The following PIEZO2 variants were observed in gnomAD, a reference collection of about 807,000 sequenced individuals.
PIEZO2 encodes the protein piezo type mechanosensitive ion channel component 2.
PIEZO2 carries 172 observed loss-of-function variants against 337.3 expected under a neutral mutation model. The ratio of observed to expected loss-of-function variants is 0.51; its 90% CI spans 0.45 to 0.58. The LOEUF (loss-of-function observed/expected upper bound fraction) is 0.58, where lower values mean the gene tolerates loss of function less well. Among genes scored for constraint, PIEZO2 ranks in the 20% least tolerant of loss-of-function variants. The probability of loss-of-function intolerance (pLI) is 0.00; values close to 1 mark genes in which losing one functional copy is unlikely to be tolerated. For synonymous variants in PIEZO2, 1,251 were observed against 1,228.5 expected (o/e 1.02, Z -0.38); for missense variants, 3,028 against 3,391.3 (o/e 0.89, Z 2.66).
At position 10,707,498 on chromosome 18, in the gene PIEZO2, C is replaced by T. The variant is rs367792973; in HGVS notation, c.5588+777G>A. Reference sequence around the variant, plus strand: ...GACTTGCCACCATGAGCAGTCAAAACGAAACTTGTCTTGGATTAGGCTGTT... The same window carrying T: ...GACTTGCCACCATGAGCAGTCAAAATGAAACTTGTCTTGGATTAGGCTGTT... On this transcript the variant is annotated intron_variant, in intron 40 of 55. Transcript: ENST00000674853. This position sits in a 1 kb window ranked among gnomAD's most constrained non-coding sequence, Gnocchi z 4.2. 2.0e-5 allele frequency among the ~76,000 whole-genome samples: 3 copies of T among 152,112 alleles called. No individual in the cohort carries two copies. The highest frequency in any genetic ancestry group is 4.4e-5 in the Non-Finnish European group (3 of 68,028).
rs367879225 is a variant in PIEZO2 at position 11,014,381 on chromosome 18, C to T, written c.161-34721G>A. 5.4e-4 allele frequency among the ~76,000 whole-genome samples: 81 copies of T among 149,502 alleles called. 1 individual carries two copies. The highest frequency in any genetic ancestry group is 1.9e-3 in the African/African-American group (78 of 40,418). ...CCCTGGACAGGACAGCAATCCAGGG[C>T]CCCTCATTCCTCAGTGTGGAGCACG... On this transcript the variant is annotated intron_variant, in intron 2 of 55. Transcript: ENST00000674853.
intron 1 of PIEZO2, among the ~76,000 whole-genome samples, chr18:11,134,311 G>A (rs1215396194): frequency 6.6e-6 from 1 of 152,082 alleles, no homozygotes; most frequent in African/African-American, 2.4e-5. Context: ...TACAGCTGCT[G>A]GAATATCTAG....
chr18:11,043,666 T>G (rs2037198864), intron 2 of PIEZO2, among the ~76,000 whole-genome samples: 3 of 151,878 alleles, frequency 2.0e-5, no homozygotes, highest in Non-Finnish European at 4.4e-5. Context: ...CCTAAACACA[T>G]ATACTTCCCA....
Position 10,726,545 on chromosome 18 carries a change from C to T in PIEZO2, c.5029+4862G>A. 6 of 1,423,418 alleles carry T rather than the reference C, an allele frequency of 4.2e-6. No individual in the cohort carries two copies. The highest frequency in any genetic ancestry group is 5.6e-6 in the Non-Finnish European group (6 of 1,074,888). 88.2% of individuals were successfully genotyped at this position (1,423,418 alleles called of 1,614,324 possible). A position where few individuals can be genotyped will look rare whatever the true frequency, so the allele number is the denominator to read the frequency against. Reference sequence around the variant, plus strand: ...CGCTGCGCTGCTCTGCTCTGCTACACCAGCCGCCACGCTGTGCGTCTGTCC... The same window carrying T: ...CGCTGCGCTGCTCTGCTCTGCTACATCAGCCGCCACGCTGTGCGTCTGTCC... On this transcript the variant is annotated intron_variant, in intron 36 of 55. Coordinates refer to ENST00000674853, the MANE Select transcript of PIEZO2 (RefSeq NM_001378183.1). The surrounding 1 kb of genome is among the most constrained non-coding windows in gnomAD (Gnocchi z 5.9).
chr18:10,682,158 C>G lies in PIEZO2; in HGVS notation c.7632G>C (p.Gly2544=). The G allele has an allele frequency of 6.5e-7, 1 of 1,537,086 alleles. No individual in the cohort carries two copies. Among genetic ancestry groups the G allele is most frequent in the Non-Finnish European group, 8.7e-7 (1 of 1,146,886 alleles). ...LFMSLIKSVA[G]VINQPLDVSV... is the part of the protein sequence containing the mutation. ...AGACGTCCAGGGGCTGGTTGATGAC[C>G]CCAGCCACAGATTTGATCAAAGACA... is the stretch of plus-strand genomic sequence containing the variant. The change falls in exon 50 of 56, where the codon GGG becomes GGC. Residue 2544 remains glycine, a synonymous_variant. Transcript: ENST00000674853. This position sits in a 1 kb window ranked among gnomAD's most constrained non-coding sequence, Gnocchi z 5.6.
At chr18:10,725,457 AT>A in intron 36 of PIEZO2, 2 of 1,577,624 alleles carry the variant, frequency 1.3e-6, no homozygotes, top group Non-Finnish European at 1.7e-6. Flanking sequence ...GTGGCATGAA[AT>A]AGGTCAGGGT....
At chr18:11,107,684 A>T (rs986164335) in intron 1 of PIEZO2, among the ~76,000 whole-genome samples, 2 of 152,220 alleles carry the variant, frequency 1.3e-5, no homozygotes, top group Non-Finnish European at 2.9e-5. Flanking sequence ...ATTATTAATA[A>T]ATTTCAAGGA....
rs1231433654 is a variant in PIEZO2 at position 10,716,795 on chromosome 18, A to G, written c.5090-979T>C. Among the ~76,000 whole-genome samples, 1 of 152,214 alleles carries G rather than the reference A, an allele frequency of 6.6e-6. No individual in the cohort carries two copies. The highest frequency in any genetic ancestry group is 1.5e-5 in the Non-Finnish European group (1 of 68,028). Reference sequence around the variant, plus strand: ...GAAAGGCTTGGAGTTACACCCATCAATGAACTTTAGGAGCTCCTTATATTT... The same window carrying G: ...GAAAGGCTTGGAGTTACACCCATCAGTGAACTTTAGGAGCTCCTTATATTT... On this transcript the variant is annotated intron_variant, in intron 37 of 55. Coordinates refer to ENST00000674853, the MANE Select transcript of PIEZO2 (RefSeq NM_001378183.1). The surrounding 1 kb of genome is among the most constrained non-coding windows in gnomAD (Gnocchi z 4.1).
chr18:10,763,704 A>G (rs2038233724), intron 21 of PIEZO2, among the ~76,000 whole-genome samples: 1 of 152,160 alleles, frequency 6.6e-6, no homozygotes, highest in Non-Finnish European at 1.5e-5. Context: ...GAAGGGCATT[A>G]CACTGGGAAT....
At chr18:10,798,794 T>C (rs187066071) in intron 11 of PIEZO2, among the ~76,000 whole-genome samples, 193 of 152,318 alleles carry the variant, frequency 1.3e-3, no homozygotes, top group African/African-American at 4.4e-3. Context: ...TTGGGCCCTG[T>C]GTGTTTGCTT....
chr18:10,939,999 T>C (rs2145242481), intron 3 of PIEZO2, among the ~76,000 whole-genome samples: 1 of 152,328 alleles, frequency 6.6e-6, no homozygotes, highest in East Asian at 1.9e-4. Context: ...TTCATTATTA[T>C]GTATACTCTA....
rs1461783877 is a variant in PIEZO2 at position 10,794,740 on chromosome 18, T to C, written c.1758+32A>G. 5 of 1,409,856 alleles carry C rather than the reference T, an allele frequency of 3.5e-6. No individual in the cohort carries two copies. Among genetic ancestry groups the C allele is most frequent in the East Asian group, 5.0e-5 (2 of 40,094 alleles). 87.3% of individuals were successfully genotyped at this position (1,409,856 alleles called of 1,614,324 possible). On this transcript the variant is annotated intron_variant, in intron 13 of 55. Coordinates refer to ENST00000674853, the MANE Select transcript of PIEZO2 (RefSeq NM_001378183.1). The surrounding 1 kb of genome is among the most constrained non-coding windows in gnomAD (Gnocchi z 6.6). ...TGATGATGATTGTGGTTTTGTGTCA[T>C]TGTTTTGTTTTATTGTATTCTATTC...
At position 10,746,463 on chromosome 18, in the gene PIEZO2, C is replaced by T. The variant is rs1240554725; in HGVS notation, c.4424+2008G>A. ...TAACTCCTCTTCATCCTTCAGCCTG[C>T]ACTGGGAATGGAAGGCCACCTGGTT... On this transcript the variant is annotated intron_variant, in intron 30 of 55. Coordinates refer to ENST00000674853, the MANE Select transcript of PIEZO2 (RefSeq NM_001378183.1). The surrounding 1 kb of genome is among the most constrained non-coding windows in gnomAD (Gnocchi z 4.2). Among the ~76,000 whole-genome samples the T allele has an allele frequency of 6.6e-6, 1 of 152,188 alleles. No homozygotes were observed. The highest frequency in any genetic ancestry group is 1.9e-4 in the East Asian group (1 of 5,186).
At chr18:10,927,836 T>C (rs2031840499) in intron 3 of PIEZO2, among the ~76,000 whole-genome samples, 1 of 152,184 alleles carries the variant, frequency 6.6e-6, no homozygotes, top group South Asian at 2.1e-4. Context: ...TTGATAACTA[T>C]AGCAGGCTCG....
rs543540942 is a variant in PIEZO2 at position 11,027,626 on chromosome 18, T to C, written c.160+38501A>G. Among the ~76,000 whole-genome samples the C allele has an allele frequency of 6.6e-5, 10 of 152,328 alleles. 1 individual carries two copies. The South Asian group carries it at 1.9e-3, about 28-fold the overall frequency. On this transcript the variant is annotated intron_variant, in intron 2 of 55. Coordinates refer to ENST00000674853, the MANE Select transcript of PIEZO2 (RefSeq NM_001378183.1). The surrounding 1 kb of genome is among the most constrained non-coding windows in gnomAD (Gnocchi z 4.2). ...ATTTAATTTAAATAACTGTCTTAGG[T>C]AACTGGGTTGATGAACAAATGGGAG...
chr18:10,708,433 G>A lies in PIEZO2; in HGVS notation c.5430C>T (p.Tyr1810=), dbSNP rs2035677109. 6.5e-6 allele frequency: 1 copy of A among 152,690 alleles called. No individual in the cohort carries two copies. Among genetic ancestry groups the A allele is most frequent in the Non-Finnish European group, 1.5e-5 (1 of 68,068 alleles). 9.5% of individuals were successfully genotyped at this position (152,690 alleles called of 1,614,324 possible). ...TTGAGAACAGCATGGTTGCTTCAGTGTAGCAGCTAGCAGCGCAAACAGTTA... is the reference window on the plus strand; with the variant it reads ...TTGAGAACAGCATGGTTGCTTCAGTATAGCAGCTAGCAGCGCAAACAGTTA... ...LDSHDSISSC[Y]TEATMLFSRQ... is the part of the protein sequence containing the mutation. Residue 1810 remains tyrosine (Y), a synonymous_variant, in exon 40 of 56, where the codon TAC becomes TAT. Transcript: ENST00000674853.
chr18:10,839,534 C>T (rs1490709595), intron 7 of PIEZO2, among the ~76,000 whole-genome samples: 2 of 152,114 alleles, frequency 1.3e-5, no homozygotes, highest in Non-Finnish European at 2.9e-5. Flanking sequence ...AGCTTTTCCT[C>T]CCATAGAATT....
intron 12 of PIEZO2, among the ~76,000 whole-genome samples, chr18:10,796,163 G>A (rs1470745665): frequency 2.0e-5 from 3 of 151,734 alleles, no homozygotes; most frequent in Non-Finnish European, 4.4e-5. Flanking sequence ...AGGAGATCGA[G>A]ACCATCCTGG....
chr18:10,897,190 T>G (rs878878243), intron 4 of PIEZO2, among the ~76,000 whole-genome samples: 1 of 87,860 alleles, frequency 1.1e-5, no homozygotes, highest in Non-Finnish European at 2.9e-5. Flanking sequence ...GGAGATCTGA[T>G]TTTTTTTTTT....
Sources: allele counts gnomAD v4.1 joint callset (sites outside exome capture counted in the v4.1 genomes callset), GRCh38; gene constraint gnomAD v4.1.1; non-coding constraint Gnocchi (gnomAD v3.1); transcripts MANE v1.5; gene names NCBI Gene and HGNC (gene_info 2026-07-23, HGNC 2026-07-21).